Variants in CSMD1 observed in about 807,000 individuals in gnomAD.
CSMD1 encodes the protein CUB and sushi domain-containing protein 1.
In CSMD1, 213 loss-of-function variants were observed where a neutral mutation model predicts 417.5. That is an observed-to-expected ratio of 0.51 (90% CI 0.46 to 0.57). CSMD1 has a LOEUF of 0.57. CSMD1 is among the 20% of genes least tolerant of loss of function. The pLI is 0.00. For missense variants in CSMD1, 6,923 were observed against 4,529.7 expected (o/e 1.53, Z -15.17); for synonymous variants, 2,862 against 1,736.8 (o/e 1.65, Z -16.11).
intron 51 of CSMD1, among the ~76,000 whole-genome samples, chr8:3,023,991 G>C (rs77012997): frequency 0.033 from 5,040 of 152,144 alleles, 101 homozygotes; most frequent in African/African-American, 0.064. Flanking sequence ...GAAGAAGCTA[G>C]CACAGTGTGG....
chr8:4,913,212 T>C (rs148997586), intron 1 of CSMD1, among the ~76,000 whole-genome samples: 1,811 of 152,316 alleles, frequency 0.012, 20 homozygotes, highest in Non-Finnish European at 0.018. Context: ...GTAGCGTTGC[T>C]GTTAGGTACA....
chr8:4,556,424 G>A (rs1798090027), intron 2 of CSMD1, among the ~76,000 whole-genome samples: 1 of 152,072 alleles, frequency 6.6e-6, no homozygotes, highest in Admixed American at 6.6e-5. Context: ...GAGAGGCCAG[G>A]GTACAGAGGA....
intron 5 of CSMD1, among the ~76,000 whole-genome samples, chr8:3,870,988 CTCAT>C (rs34124270): frequency 0.079 from 11,982 of 151,720 alleles, 526 homozygotes; most frequent in South Asian, 0.15. Context: ...TTAATTTTTT[CTCAT>C]TCAATGTGTT....
intron 3 of CSMD1, among the ~76,000 whole-genome samples, chr8:4,055,567 A>G (rs1798648726): frequency 1.3e-5 from 2 of 151,996 alleles, no homozygotes; most frequent in Non-Finnish European, 2.9e-5. Flanking sequence ...ATAAAGAAGA[A>G]GAGTCAAAAT....
At position 4,552,863 on chromosome 8, in the gene CSMD1, C is replaced by T. The variant is rs531049981; in HGVS notation, c.302+84479G>A. On this transcript the variant is annotated intron_variant, in intron 2 of 69. Transcript: ENST00000635120. ...TAGCTGGATGTTTGTGAAAATCTAGCTGAGAAGCTCTTCTTTTAAACCTCT... is the reference window on the plus strand; with the variant it reads ...TAGCTGGATGTTTGTGAAAATCTAGTTGAGAAGCTCTTCTTTTAAACCTCT... 3.9e-5 allele frequency among the ~76,000 whole-genome samples: 6 copies of T among 152,270 alleles called. 1 individual carries two copies. The highest frequency in any genetic ancestry group is 1.4e-4 in the African/African-American group (6 of 41,566).
intron 3 of CSMD1, among the ~76,000 whole-genome samples, chr8:4,359,095 A>T (rs548228302): frequency 6.6e-6 from 1 of 152,188 alleles, no homozygotes; most frequent in Non-Finnish European, 1.5e-5. Context: ...TAGTATATTA[A>T]TAAATGCAGG....
chr8:4,099,195 C>G (rs952453706), intron 3 of CSMD1, among the ~76,000 whole-genome samples: 13 of 143,374 alleles, frequency 9.1e-5, no homozygotes, highest in Admixed American at 6.7e-4. Flanking sequence ...CATACACACT[C>G]ACACACACAC....
At chr8:4,216,413 A>T (rs2128805257) in intron 3 of CSMD1, among the ~76,000 whole-genome samples, 1 of 152,270 alleles carries the variant, frequency 6.6e-6, no homozygotes. Context: ...TGCATGGTAA[A>T]ATTAATACTT....
intron 26 of CSMD1, among the ~76,000 whole-genome samples, chr8:3,236,271 T>C (rs1799149719): frequency 2.0e-5 from 3 of 152,130 alleles, no homozygotes. Context: ...CTAATGTATA[T>C]ATCTGCTTGT....
chr8:3,146,339 A>C (rs1029430002), intron 40 of CSMD1, among the ~76,000 whole-genome samples: 1 of 152,114 alleles, frequency 6.6e-6, no homozygotes, highest in African/African-American at 2.4e-5. Context: ...TGAAAAGGAA[A>C]GAAAATGGCA....
At chr8:3,670,590 G>GATAT (rs1166742999) in intron 7 of CSMD1, among the ~76,000 whole-genome samples, 1 of 145,730 alleles carries the variant, frequency 6.9e-6, no homozygotes, top group Non-Finnish European at 1.5e-5. Context: ...TATATATGGG[G>GATAT]ATATATATAT....
chr8:3,338,312 G>A (rs1807410369), intron 23 of CSMD1, among the ~76,000 whole-genome samples: 1 of 152,190 alleles, frequency 6.6e-6, no homozygotes, highest in Non-Finnish European at 1.5e-5. Context: ...TTGACAAGTT[G>A]AGTCAGTGTC....
chr8:3,420,016 G>C (rs28524048), intron 12 of CSMD1, among the ~76,000 whole-genome samples: 1 of 152,110 alleles, frequency 6.6e-6, no homozygotes, highest in Non-Finnish European at 1.5e-5. Flanking sequence ...CAATGCATGA[G>C]AAGCCAATGC....
chr8:4,348,513 T>C (rs1800903743), intron 3 of CSMD1, among the ~76,000 whole-genome samples: 1 of 151,720 alleles, frequency 6.6e-6, no homozygotes, highest in African/African-American at 2.4e-5. Flanking sequence ...AAGTTGTATC[T>C]GCAAAGATTT....
chr8:3,476,470 C>T (rs1191050238), intron 11 of CSMD1, among the ~76,000 whole-genome samples: 1 of 152,070 alleles, frequency 6.6e-6, no homozygotes, highest in Non-Finnish European at 1.5e-5. Flanking sequence ...GATTTCTGGG[C>T]CATATGATTG....
At chr8:3,081,632 A>G (rs181861348) in intron 49 of CSMD1, among the ~76,000 whole-genome samples, 7 of 152,304 alleles carry the variant, frequency 4.6e-5, no homozygotes, top group Admixed American at 4.6e-4. Context: ...AGGATTTATA[A>G]CCACTTTTGA....
In CSMD1 at chr8:4,508,416, T is replaced by C. The variant is rs138680679; in HGVS notation, c.303-88351A>G. Among the ~76,000 whole-genome samples the C allele has an allele frequency of 4.1e-3, 622 of 152,314 alleles. 3 individuals are homozygous for C. Among genetic ancestry groups the C allele is most frequent in the Middle Eastern group, 0.01 (3 of 294 alleles). The stretch of plus-strand genomic sequence containing the variant: ...TGAATTTTATACATAATCTTTGCCA[T>C]GCTTCAAAGTCAACCCACTTAGATA... On this transcript the variant is annotated intron_variant, in intron 2 of 69. Coordinates refer to ENST00000635120, the MANE Select transcript of CSMD1 (RefSeq NM_033225.6).
intron 1 of CSMD1, among the ~76,000 whole-genome samples, chr8:4,799,380 T>A (rs1054958990): frequency 6.6e-6 from 1 of 151,696 alleles, no homozygotes; most frequent in Non-Finnish European, 1.5e-5. Context: ...ATCATATAAG[T>A]GTTTTAAAAT....
intron 1 of CSMD1, among the ~76,000 whole-genome samples, chr8:4,707,741 G>C (rs1435483373): frequency 6.6e-6 from 1 of 151,844 alleles, no homozygotes; most frequent in Non-Finnish European, 1.5e-5. Flanking sequence ...ACAAAAATTA[G>C]CCGGGCGTCG....
Sources: allele counts gnomAD v4.1 joint callset (sites outside exome capture counted in the v4.1 genomes callset), GRCh38; gene constraint gnomAD v4.1.1; transcripts MANE v1.5; gene names NCBI Gene and HGNC (gene_info 2026-07-23, HGNC 2026-07-21).